RGS21: variants seen among roughly 807,000 people sequenced by gnomAD.
RGS21 encodes the protein regulator of G protein signaling 21, also known as regulator of G-protein signalling 21.
In RGS21, 19 loss-of-function variants were observed where a neutral mutation model predicts 18.7. The observed-to-expected ratio is 1.01, with a 90% CI of 0.71 to 1.49. The LOEUF is 1.49. Among genes scored for constraint, RGS21 ranks in the 40% most tolerant of loss-of-function variants. The pLI, the probability that RGS21 is intolerant of heterozygous loss-of-function variation, is 0.00. For synonymous variants in RGS21, 56 were observed against 57.8 expected (o/e 0.97, Z 0.14); for missense variants, 194 against 176.8 (o/e 1.10, Z -0.55).
intron 4 of RGS21, among the ~76,000 whole-genome samples, chr1:192,364,267 G>C (rs189616677): frequency 6.6e-6 from 1 of 152,162 alleles, no homozygotes; most frequent in East Asian, 1.9e-4. Context: ...TTTGATGAGG[G>C]ACTCAAGAAG....
chr1:192,351,755 CAT>C (rs999162107), intron 3 of RGS21, among the ~76,000 whole-genome samples: 6 of 146,560 alleles, frequency 4.1e-5, no homozygotes, highest in South Asian at 2.1e-4. Context: ...ATATATAACA[CAT>C]ATAATATATA....
At chr1:192,324,626 C>T (rs1239337065) in intron 1 of RGS21, among the ~76,000 whole-genome samples, 1 of 145,912 alleles carries the variant, frequency 6.9e-6, no homozygotes, top group Non-Finnish European at 1.5e-5. Context: ...CACACACACA[C>T]ATAATTATAA....
chr1:192,335,241 A>C (rs1365462907), intron 1 of RGS21, among the ~76,000 whole-genome samples: 2 of 152,154 alleles, frequency 1.3e-5, no homozygotes, highest in Admixed American at 6.6e-5. Flanking sequence ...CACCACTTAA[A>C]CTAAGTAACT....
At chr1:192,326,162 C>T (rs1658565751) in intron 1 of RGS21, among the ~76,000 whole-genome samples, 1 of 151,922 alleles carries the variant, frequency 6.6e-6, no homozygotes. Flanking sequence ...CTTTGTGGCA[C>T]TAGATTTGTA....
intron 2 of RGS21, among the ~76,000 whole-genome samples, chr1:192,346,886 G>A (rs1326793563): frequency 6.6e-6 from 1 of 152,062 alleles, no homozygotes; most frequent in East Asian, 1.9e-4. Flanking sequence ...CTTTTGAGAT[G>A]CATAATTATG....
chr1:192,361,212 T>C (rs1413202699), intron 4 of RGS21, among the ~76,000 whole-genome samples: 1 of 152,150 alleles, frequency 6.6e-6, no homozygotes, highest in African/African-American at 2.4e-5. Flanking sequence ...CATCTTGAAA[T>C]ATCCTTATGA....
intron 1 of RGS21, among the ~76,000 whole-genome samples, chr1:192,335,965 CA>C (rs1167898890): frequency 6.6e-6 from 1 of 152,064 alleles, no homozygotes; most frequent in African/African-American, 2.4e-5. Flanking sequence ...AAATCAACAA[CA>C]AAAAAATTTT....
rs1400143388 is a variant in RGS21 at position 192,362,292 on chromosome 1, A to G, written c.256-3629A>G. Among the ~76,000 whole-genome samples, 3 of 152,202 alleles carry G rather than the reference A, an allele frequency of 2.0e-5. No individual in the cohort carries two copies. In the East Asian group the frequency reaches 5.8e-4, roughly 29 times the overall value. On this transcript the variant is annotated intron_variant, in intron 4 of 4. Transcript: ENST00000417209. ...TTTATTGTGTTCAGAAGGGAAAGAT[A>G]CTGTAAAAAGAGGTATCAGATAAAT...
intron 3 of RGS21, among the ~76,000 whole-genome samples, chr1:192,351,432 C>T (rs932841798): frequency 6.6e-6 from 1 of 151,938 alleles, no homozygotes; most frequent in Non-Finnish European, 1.5e-5. Context: ...TGTTTCTGCA[C>T]CAACTTATAG....
intron 1 of RGS21, among the ~76,000 whole-genome samples, chr1:192,339,695 G>T (rs1370968681): frequency 5.3e-5 from 8 of 151,920 alleles, no homozygotes; most frequent in Non-Finnish European, 1.5e-5. Flanking sequence ...GTTTGGACCA[G>T]CATACTATAC....
Position 192,366,899 on chromosome 1 carries a change from G to A in RGS21, c.*775G>A, listed in dbSNP as rs1316418158. On this transcript the variant is annotated 3_prime_UTR_variant, in exon 5 of 5. Transcript: ENST00000417209. ...AGCAAGTCATAAAATTTAAGAATTTGCAACATTATCTACTCAATTGTGGGG... is the reference window on the plus strand; with the variant it reads ...AGCAAGTCATAAAATTTAAGAATTTACAACATTATCTACTCAATTGTGGGG... 3 of 152,030 alleles carry A rather than the reference G, an allele frequency of 2.0e-5. No individual in the cohort carries two copies. The highest frequency in any genetic ancestry group is 2.0e-4 in the Admixed American group (3 of 15,232). 9.4% of individuals were successfully genotyped at this position (152,030 alleles called of 1,614,324 possible). A position where few individuals can be genotyped will look rare whatever the true frequency, so the allele number is the denominator to read the frequency against.
chr1:192,319,558 A>G (rs1658466875), intron 1 of RGS21, among the ~76,000 whole-genome samples: 1 of 152,124 alleles, frequency 6.6e-6, no homozygotes, highest in South Asian at 2.1e-4. Flanking sequence ...TTTTTTAAAA[A>G]TAATACATTC....
intron 4 of RGS21, among the ~76,000 whole-genome samples, chr1:192,363,705 G>A (rs1433484778): frequency 6.6e-6 from 1 of 151,996 alleles, no homozygotes; most frequent in Admixed American, 6.6e-5. Flanking sequence ...TACAAGACCT[G>A]GCCTGGATCT....
At chr1:192,340,988 A>G (rs888202782) in intron 1 of RGS21, among the ~76,000 whole-genome samples, 1 of 152,080 alleles carries the variant, frequency 6.6e-6, no homozygotes, top group Non-Finnish European at 1.5e-5. Flanking sequence ...AAACCATATC[A>G]GGACCAGAAG....
At chr1:192,352,268 A>G in intron 4 of RGS21, 55 bp downstream of exon 4, 1 of 1,265,328 alleles carries the variant, frequency 7.9e-7, no homozygotes, top group Non-Finnish European at 1.1e-6. Flanking sequence ...ATCTGCTCCC[A>G]ATTAGAAGAC....
At chr1:192,343,237 T>C (rs999575565) in intron 2 of RGS21, among the ~76,000 whole-genome samples, 190 bp downstream of exon 2, 4 of 152,110 alleles carry the variant, frequency 2.6e-5, no homozygotes, top group Admixed American at 6.6e-5. Flanking sequence ...TGGCTTACTT[T>C]TGCACTTTAT....
intron 1 of RGS21, among the ~76,000 whole-genome samples, chr1:192,341,471 G>C (rs77657436): frequency 1.3e-5 from 2 of 151,954 alleles, no homozygotes; most frequent in African/African-American, 2.4e-5. Context: ...TACATTGAAT[G>C]CTATAAAGCA....
chr1:192,327,067 A>T (rs972937482), intron 1 of RGS21, among the ~76,000 whole-genome samples: 1 of 152,174 alleles, frequency 6.6e-6, no homozygotes, highest in African/African-American at 2.4e-5. Context: ...TTCAAAAATA[A>T]TAATAGAATG....
At chr1:192,319,518 C>T (rs552305501) in intron 1 of RGS21, among the ~76,000 whole-genome samples, 2 of 152,048 alleles carry the variant, frequency 1.3e-5, no homozygotes, top group South Asian at 2.1e-4. Context: ...GAGAGAAATA[C>T]CTGAGTAATC....
Sources: gnomAD v4.1 joint callset for allele counts (sites outside exome capture counted in the v4.1 genomes callset) on GRCh38, gnomAD v4.1.1 for gene constraint, MANE v1.5 for transcripts, NCBI Gene and HGNC (gene_info 2026-07-23, HGNC 2026-07-21) for gene names.